The following PDE4D variants were observed in gnomAD, a reference collection of about 807,000 sequenced individuals.
PDE4D encodes phosphodiesterase 4D, also known as 3',5'-cyclic-AMP phosphodiesterase 4D.
In PDE4D, 24 loss-of-function variants were observed where a neutral mutation model predicts 87.4. The observed-to-expected ratio is 0.27, with a 90% CI of 0.20 to 0.39. The LOEUF is 0.39. PDE4D is among the 10% of genes least tolerant of loss of function. PDE4D has a pLI of 1.00. For synonymous variants in PDE4D, 384 were observed against 383.2 expected (o/e 1.00, Z -0.02); for missense variants, 714 against 1,041.0 (o/e 0.69, Z 4.32).
chr5:59,924,979 T>C (rs1171958142), intron 3 of PDE4D, among the ~76,000 whole-genome samples: 1 of 151,762 alleles, frequency 6.6e-6, no homozygotes, highest in East Asian at 1.9e-4. Context: ...ATTGAGACCA[T>C]CCTGGCTAAC....
intron 4 of PDE4D, among the ~76,000 whole-genome samples, chr5:59,181,216 G>T (rs1041385327): frequency 6.6e-6 from 1 of 151,726 alleles, no homozygotes; most frequent in Non-Finnish European, 1.5e-5. Context: ...AGAAGCTTTA[G>T]AAATACTCTA....
At chr5:59,759,722 G>T (rs1297224277) in intron 1 of PDE4D, among the ~76,000 whole-genome samples, 1 of 152,096 alleles carries the variant, frequency 6.6e-6, no homozygotes, top group Non-Finnish European at 1.5e-5. Flanking sequence ...GAAGGTTAGG[G>T]CTGACTGGTC....
chr5:60,315,567 T>G (rs962729440), intron 1 of PDE4D, among the ~76,000 whole-genome samples: 15 of 152,240 alleles, frequency 9.9e-5, no homozygotes, highest in Admixed American at 3.3e-4. Flanking sequence ...TGTCCATGCC[T>G]ATGTCCTGAA....
intron 1 of PDE4D, among the ~76,000 whole-genome samples, chr5:59,351,638 G>A (rs937010219): frequency 2.6e-5 from 4 of 151,984 alleles, no homozygotes; most frequent in African/African-American, 7.3e-5. Context: ...AAGCCAGGAG[G>A]GGGCAGAAGC....
At chr5:59,315,297 T>G (rs1773488950) in intron 1 of PDE4D, among the ~76,000 whole-genome samples, 2 of 152,144 alleles carry the variant, frequency 1.3e-5, no homozygotes, top group African/African-American at 4.8e-5. Context: ...CTGTTTCCCC[T>G]GGACCTGGCT....
chr5:59,338,203 C>T (rs147959696), intron 1 of PDE4D, among the ~76,000 whole-genome samples: 9 of 152,258 alleles, frequency 5.9e-5, no homozygotes, highest in African/African-American at 2.2e-4. Flanking sequence ...TTCTCACAGC[C>T]AACAATCAAC....
intron 1 of PDE4D, among the ~76,000 whole-genome samples, chr5:59,263,195 C>G (rs1762310387): frequency 6.6e-6 from 1 of 152,002 alleles, no homozygotes; most frequent in Non-Finnish European, 1.5e-5. Context: ...CACTGTTCTA[C>G]TTTCCATGCA....
chr5:59,876,864 C>T (rs1202750400), intron 1 of PDE4D, among the ~76,000 whole-genome samples: 2 of 152,038 alleles, frequency 1.3e-5, no homozygotes, highest in Non-Finnish European at 2.9e-5. Context: ...CTGTTGCATA[C>T]TTATCCTAAT....
intron 2 of PDE4D, among the ~76,000 whole-genome samples, chr5:60,077,891 G>A (rs1773490035): frequency 6.6e-6 from 1 of 152,196 alleles, no homozygotes; most frequent in Admixed American, 6.5e-5. Context: ...ATCCCCAGGA[G>A]TTCTTGGGGA....
At chr5:59,454,286 A>G (rs1339691847) in intron 1 of PDE4D, among the ~76,000 whole-genome samples, 3 of 152,214 alleles carry the variant, frequency 2.0e-5, no homozygotes, top group Admixed American at 6.5e-5. Context: ...TAACTCCCAC[A>G]ATTCCCACAT....
chr5:59,215,051 G>T (rs1305420113), intron 2 of PDE4D, among the ~76,000 whole-genome samples: 1 of 152,170 alleles, frequency 6.6e-6, no homozygotes, highest in Non-Finnish European at 1.5e-5. Context: ...ACGAATGATA[G>T]TATAGGTATT....
At chr5:60,204,293 C>CATCT (rs550487115) in intron 1 of PDE4D, among the ~76,000 whole-genome samples, 70 of 152,192 alleles carry the variant, frequency 4.6e-4, no homozygotes, top group Middle Eastern at 3.4e-3. Context: ...CTCTATCTGT[C>CATCT]ATCTATCTAT....
chr5:59,252,785 C>T (rs1029310061), intron 1 of PDE4D, among the ~76,000 whole-genome samples: 10 of 152,116 alleles, frequency 6.6e-5, no homozygotes, highest in African/African-American at 2.4e-4. Flanking sequence ...CCTCGGCCTC[C>T]CAGAGTGTTA....
At position 59,262,364 on chromosome 5, in the gene PDE4D, G is replaced by C. The variant is rs1182945541; in HGVS notation, c.456-46396C>G. Among the ~76,000 whole-genome samples, 5 of 151,860 alleles carry C rather than the reference G, an allele frequency of 3.3e-5. No homozygotes were observed. In the South Asian group the frequency reaches 8.3e-4, roughly 25 times the overall value. On this transcript the variant is annotated intron_variant, in intron 1 of 14. Coordinates refer to ENST00000340635, the MANE Select transcript of PDE4D (RefSeq NM_001104631.2). ...GCTATAGAACTAGACTAAATGATCA[G>C]GTAGCTAGAAAATGTTTCTGTACAA... is the stretch of plus-strand genomic sequence containing the variant.
intron 1 of PDE4D, among the ~76,000 whole-genome samples, chr5:60,381,389 A>T (rs1487023584): frequency 6.6e-6 from 1 of 152,206 alleles, no homozygotes; most frequent in Non-Finnish European, 1.5e-5. Context: ...TTTCTCCTGG[A>T]CTTTTCCCCA....
At chr5:59,252,520 C>T (rs1760154455) in intron 1 of PDE4D, among the ~76,000 whole-genome samples, 1 of 151,130 alleles carries the variant, frequency 6.6e-6, no homozygotes, top group Non-Finnish European at 1.5e-5. Flanking sequence ...TTAACCATAT[C>T]ATCTGGGTTT....
intron 1 of PDE4D, among the ~76,000 whole-genome samples, chr5:60,471,480 CT>C (rs1223667917): frequency 5.9e-5 from 9 of 152,120 alleles, no homozygotes; most frequent in Non-Finnish European, 4.4e-5. Context: ...GAATAAAATG[CT>C]ATCAAACAGC....
intron 1 of PDE4D, among the ~76,000 whole-genome samples, chr5:60,393,692 CACTCAA>C (rs1762702656): frequency 6.6e-6 from 1 of 152,214 alleles, no homozygotes; most frequent in Admixed American, 6.5e-5. Context: ...TCCCTGGATT[CACTCAA>C]ACTTAATACT....
intron 1 of PDE4D, among the ~76,000 whole-genome samples, chr5:59,827,728 G>A (rs894771490): frequency 6.6e-6 from 1 of 152,136 alleles, no homozygotes; most frequent in African/African-American, 2.4e-5. Flanking sequence ...AGGAGCATTA[G>A]AGAAAGGATG....
Sources: gnomAD v4.1 joint callset for allele counts (sites outside exome capture counted in the v4.1 genomes callset) on GRCh38, gnomAD v4.1.1 for gene constraint, MANE v1.5 for transcripts, NCBI Gene and HGNC (gene_info 2026-07-23, HGNC 2026-07-21) for gene names.